The following C3orf20 variants were observed in gnomAD, a reference collection of about 807,000 sequenced individuals.
The protein encoded by C3orf20 is uncharacterized protein C3orf20.
Under a neutral mutation model 88.3 loss-of-function variants are expected in C3orf20, and 76 were observed. The observed-to-expected ratio is 0.86, with a 90% CI of 0.72 to 1.04. C3orf20 has a LOEUF of 1.04. Among genes scored for constraint, C3orf20 ranks in the 50% least tolerant of loss-of-function variants. C3orf20 has a pLI of 0.00. For synonymous variants in C3orf20, 436 were observed against 437.4 expected, an observed-to-expected ratio of 1.00 and a Z score of 0.04; for missense variants, 1,056 against 1,123.3, an observed-to-expected ratio of 0.94 and a Z score of 0.86.
chr3:14,706,058 A>C (rs980031486), intron 7 of C3orf20, among the ~76,000 whole-genome samples: 1 of 152,134 alleles, frequency 6.6e-6, no homozygotes, highest in African/African-American at 2.4e-5. Flanking sequence ...CCTTTCTTGG[A>C]GGAGAGGACG....
rs150077687 is a variant in C3orf20, at chr3:14,678,546, A to T, written c.-299+3294A>T. Reference sequence around the variant, plus strand: ...TCCCTGTCCCAGAAGCTAACTGGAAACAGTGGAGACATGCAGCAGATTGTT... The same window carrying T: ...TCCCTGTCCCAGAAGCTAACTGGAATCAGTGGAGACATGCAGCAGATTGTT... On this transcript the variant is annotated intron_variant, in intron 1 of 16. Coordinates refer to ENST00000253697, the MANE Select transcript of C3orf20 (RefSeq NM_032137.5). Among the ~76,000 whole-genome samples the T allele has an allele frequency of 1.1e-3, 163 of 152,360 alleles. 1 individual carries two copies. The highest frequency in any genetic ancestry group is 3.7e-3 in the African/African-American group (155 of 41,590).
At chr3:14,712,565 C>G (rs568208924) in intron 7 of C3orf20, among the ~76,000 whole-genome samples, 44 of 152,282 alleles carry the variant, frequency 2.9e-4, no homozygotes, top group East Asian at 2.3e-3. Flanking sequence ...TATCCCTCCC[C>G]CTTTATGTTG....
intron 12 of C3orf20, among the ~76,000 whole-genome samples, chr3:14,730,756 T>C (rs1389858791): frequency 6.6e-6 from 1 of 152,174 alleles, no homozygotes; most frequent in Non-Finnish European, 1.5e-5. Flanking sequence ...TACGTTCTGC[T>C]CCCACCAGCA....
intron 10 of C3orf20, among the ~76,000 whole-genome samples, chr3:14,724,132 G>T (rs552391934): frequency 2.6e-5 from 4 of 152,248 alleles, no homozygotes; most frequent in Admixed American, 2.0e-4. Context: ...AAAAGCTATT[G>T]TTAAGTGATT....
intron 10 of C3orf20, among the ~76,000 whole-genome samples, chr3:14,725,716 G>A (rs1430769882): frequency 6.6e-6 from 1 of 152,122 alleles, no homozygotes; most frequent in Non-Finnish European, 1.5e-5. Flanking sequence ...TTGTTCATCA[G>A]GAAATCTGAT....
intron 12 of C3orf20, among the ~76,000 whole-genome samples, chr3:14,749,894 A>G (rs2035170377): frequency 6.6e-6 from 1 of 151,380 alleles, no homozygotes; most frequent in Admixed American, 6.6e-5. Context: ...CCACCTCTCT[A>G]CTTTATGTTG....
intron 4 of C3orf20, among the ~76,000 whole-genome samples, chr3:14,685,241 T>C (rs1311800673): frequency 2.6e-5 from 4 of 152,164 alleles, no homozygotes; most frequent in Admixed American, 6.5e-5. Context: ...TGGGAGGATA[T>C]TACTTTTCAA....
At chr3:14,704,838 A>G (rs753340361) in intron 7 of C3orf20, among the ~76,000 whole-genome samples, 1 of 152,216 alleles carries the variant, frequency 6.6e-6, no homozygotes, top group Non-Finnish European at 1.5e-5. Flanking sequence ...CAACAGGAAC[A>G]TACCACACCC....
At chr3:14,683,999 C>T (rs2032257892) in intron 3 of C3orf20, among the ~76,000 whole-genome samples, 1 of 151,820 alleles carries the variant, frequency 6.6e-6, no homozygotes, top group Non-Finnish European at 1.5e-5. Context: ...ATTTCAGAAA[C>T]CAATAGCATC....
At chr3:14,709,251 GA>G (rs1325100169) in intron 7 of C3orf20, among the ~76,000 whole-genome samples, 1 of 152,154 alleles carries the variant, frequency 6.6e-6, no homozygotes, top group African/African-American at 2.4e-5. Context: ...GTTTGCTGTA[GA>G]TTTTTTTGTG....
At chr3:14,744,301 A>G (rs2034997694) in intron 12 of C3orf20, among the ~76,000 whole-genome samples, 1 of 152,000 alleles carries the variant, frequency 6.6e-6, no homozygotes, top group East Asian at 1.9e-4. Context: ...AAACATAACA[A>G]GAGTCACCTG....
intron 12 of C3orf20, among the ~76,000 whole-genome samples, chr3:14,749,259 A>G (rs1177864652): frequency 6.6e-6 from 1 of 152,214 alleles, no homozygotes; most frequent in East Asian, 1.9e-4. Context: ...TGATATTAGT[A>G]TAACCACTCC....
rs980447063 is a variant in C3orf20, at chr3:14,708,096, A to T, written c.1160+3478A>T. 3.3e-5 allele frequency among the ~76,000 whole-genome samples: 5 copies of T among 152,116 alleles called. No individual in the cohort carries two copies. The East Asian group carries it at 7.7e-4, about 23-fold the overall frequency. Reference sequence around the variant, plus strand: ...CTTGGCCTCCCAAAGTGCTGGGATTATAGGCATGAGCCACCGTGCCCGGCC... The same window carrying T: ...CTTGGCCTCCCAAAGTGCTGGGATTTTAGGCATGAGCCACCGTGCCCGGCC... On this transcript the variant is annotated intron_variant, in intron 7 of 16. Transcript: ENST00000253697.
intron 13 of C3orf20, 77 bp from the exon 14 acceptor site, chr3:14,759,814 C>T: frequency 8.0e-7 from 1 of 1,244,380 alleles, no homozygotes; most frequent in South Asian, 1.2e-5. Flanking sequence ...GGGAACCAGG[C>T]CTAGCCGAGA....
At chr3:14,709,270 T>C (rs2033646621) in intron 7 of C3orf20, among the ~76,000 whole-genome samples, 1 of 152,232 alleles carries the variant, frequency 6.6e-6, no homozygotes, top group Non-Finnish European at 1.5e-5. Flanking sequence ...GTGTGGACTC[T>C]TTAGAATTTT....
chr3:14,761,328 C>T, intron 14 of C3orf20, 145 bp from the exon 15 acceptor site: 1 of 938,496 alleles, frequency 1.1e-6, no homozygotes, highest in South Asian at 1.5e-5. Context: ...ACTCCTTCCC[C>T]AGCCACCCCA....
In C3orf20 at chr3:14,704,537, G is replaced by C. The variant is rs1243579749; in HGVS notation, c.1079G>C (p.Ser360Thr). 10 of 1,613,934 alleles carry C rather than the reference G, an allele frequency of 6.2e-6. No homozygotes were observed. The Admixed American group carries it at 1.7e-4, about 27-fold the overall frequency. The change falls in exon 7 of 17, where the codon AGT (serine) becomes ACT (threonine). Residue 360 changes from serine to threonine, a missense_variant. Ser to Thr is a moderately conservative substitution (Grantham distance 58). Coordinates refer to ENST00000253697, the MANE Select transcript of C3orf20 (RefSeq NM_032137.5). ...SHPSSANHHF[S>T]QHCQEGKAPK... ...CCATCTTCTGCCAACCATCATTTCA[G>C]TCAGCATTGTCAAGAGGGGAAGGCA...
intron 12 of C3orf20, among the ~76,000 whole-genome samples, chr3:14,735,303 C>T (rs1318307999): frequency 6.6e-6 from 1 of 151,162 alleles, no homozygotes; most frequent in African/African-American, 2.4e-5. Context: ...TTATTCTTTC[C>T]TTTTTTGCCT....
intron 5 of C3orf20, among the ~76,000 whole-genome samples, chr3:14,696,447 G>A (rs1191394812): frequency 2.0e-5 from 3 of 150,844 alleles, no homozygotes; most frequent in African/African-American, 4.9e-5. Context: ...GCTGCAGTGC[G>A]GTGGCACGTC....
Sources: gnomAD v4.1 joint callset for allele counts (sites outside exome capture counted in the v4.1 genomes callset) on GRCh38, gnomAD v4.1.1 for gene constraint, MANE v1.5 for transcripts, NCBI Gene and HGNC (gene_info 2026-07-23, HGNC 2026-07-21) for gene names.